Variants in RNF2 observed in about 807,000 individuals in gnomAD.
RNF2 encodes E3 ubiquitin-protein ligase RING2.
RNF2 carries 6 observed loss-of-function variants against 37.2 expected under a neutral mutation model. The observed-to-expected ratio is 0.16, with a 90% confidence interval of 0.09 to 0.32. The LOEUF is 0.32. Ranked by LOEUF, RNF2 falls within the 10% of genes least tolerant of loss-of-function variation. The pLI is 1.00. For missense variants in RNF2, 251 were observed against 404.0 expected (o/e 0.62, Z 3.25); for synonymous variants, 133 against 132.7 (o/e 1.00, Z -0.02).
intron 1 of RNF2, among the ~76,000 whole-genome samples, chr1:185,075,760 T>A (rs1362710461): frequency 6.6e-6 from 1 of 152,214 alleles, no homozygotes; most frequent in Non-Finnish European, 1.5e-5. Context: ...TCCACTCCCA[T>A]GATCCAGTCA....
intron 1 of RNF2, chr1:185,071,529 G>GTT (rs1650973665): frequency 6.6e-6 from 1 of 152,324 alleles, no homozygotes; most frequent in African/African-American, 2.4e-5. Flanking sequence ...GGCATCGTGC[G>GTT]TTTAGAGTCC....
intron 1 of RNF2, among the ~76,000 whole-genome samples, chr1:185,077,159 A>T (rs560014952): frequency 3.3e-4 from 50 of 152,128 alleles, no homozygotes; most frequent in African/African-American, 1.2e-3. Flanking sequence ...TTTTATCTTC[A>T]TTCCACCATG....
intron 1 of RNF2, among the ~76,000 whole-genome samples, chr1:185,049,444 C>T (rs1650211371): frequency 6.6e-6 from 1 of 152,094 alleles, no homozygotes; most frequent in Admixed American, 6.5e-5. Flanking sequence ...TTTTATGCTG[C>T]AGCTTAACAG....
At chr1:185,068,026 CAG>C (rs1650852218) in intron 1 of RNF2, among the ~76,000 whole-genome samples, 3 of 148,990 alleles carry the variant, frequency 2.0e-5, no homozygotes, top group African/African-American at 7.5e-5. Flanking sequence ...TTTTTAGAGA[CAG>C]AGTCTTGCAC....
At chr1:185,098,385 TG>T (rs1369736944) in intron 5 of RNF2, 41 bp downstream of exon 5, 2 of 1,593,802 alleles carry the variant, frequency 1.3e-6, no homozygotes, top group African/African-American at 2.7e-5. Flanking sequence ...AAATTCAGAA[TG>T]TTTAATTTGG....
intron 1 of RNF2, among the ~76,000 whole-genome samples, chr1:185,082,600 C>T (rs1172631617): frequency 1.3e-5 from 2 of 151,806 alleles, no homozygotes; most frequent in Non-Finnish European, 2.9e-5. Context: ...GGTAATCTAC[C>T]CTCCTTGGCC....
At chr1:185,090,381 A>T (rs1038891567) in intron 2 of RNF2, among the ~76,000 whole-genome samples, 5 of 152,114 alleles carry the variant, frequency 3.3e-5, no homozygotes, top group Non-Finnish European at 7.3e-5. Context: ...GGCAGAGGAG[A>T]ACAGACTTGA....
chr1:185,080,006 C>T (rs1651298470), intron 1 of RNF2, among the ~76,000 whole-genome samples: 1 of 151,932 alleles, frequency 6.6e-6, no homozygotes, highest in African/African-American at 2.4e-5. Flanking sequence ...AGACCTAGAT[C>T]TTGTTCAGTT....
At chr1:185,094,854 T>C (rs1651867513) in intron 4 of RNF2, among the ~76,000 whole-genome samples, 1 of 152,216 alleles carries the variant, frequency 6.6e-6, no homozygotes, top group Non-Finnish European at 1.5e-5. Context: ...TTATTTTCCA[T>C]AGAAGGAGAT....
rs549035455 is a variant in RNF2 at position 185,102,579 on chromosome 1, A to G, written c.*2278A>G. On this transcript the variant is annotated 3_prime_UTR_variant, in exon 7 of 7. Transcript: ENST00000367510. ...AAACAGAAACTCTGTGTGCAATTAAAGTAATGCATTTCTCTTCTTCTTAAC... is the reference window on the plus strand; with the variant it reads ...AAACAGAAACTCTGTGTGCAATTAAGGTAATGCATTTCTCTTCTTCTTAAC... The G allele has an allele frequency of 3.9e-5, 6 of 152,324 alleles. No individual in the cohort carries two copies. The East Asian group carries it at 1.2e-3, about 29-fold the overall frequency. The allele number at this position is 152,324 out of a possible 1,614,324, so 9.4% of individuals were successfully genotyped here.
chr1:185,081,437 A>G (rs1033826344), intron 1 of RNF2, among the ~76,000 whole-genome samples: 5 of 150,806 alleles, frequency 3.3e-5, no homozygotes, highest in African/African-American at 7.3e-5. Context: ...CTTGTTGCCC[A>G]GGCTGGAGTA....
chr1:185,064,448 G>A (rs971546836), intron 1 of RNF2, among the ~76,000 whole-genome samples: 2 of 152,118 alleles, frequency 1.3e-5, no homozygotes, highest in Non-Finnish European at 2.9e-5. Flanking sequence ...TTCGACTTAC[G>A]ATTTTTCAAC....
In RNF2 at chr1:185,059,500, T is replaced by C. The variant is rs529112304; in HGVS notation, c.-3+13851T>C. Among the ~76,000 whole-genome samples the C allele has an allele frequency of 2.0e-5, 3 of 152,146 alleles. No individual in the cohort carries two copies. The East Asian group carries it at 5.8e-4, about 29-fold the overall frequency. ...TTGTAGCGCAGATGCAAATTAGTGT[T>C]ATCTCTAATCACATTACAAGTACTT... On this transcript the variant is annotated intron_variant, in intron 1 of 6. Transcript: ENST00000367510.
At chr1:185,070,556 A>G (rs919235742) in intron 1 of RNF2, among the ~76,000 whole-genome samples, 20 of 152,084 alleles carry the variant, frequency 1.3e-4, no homozygotes, top group African/African-American at 9.7e-5. Context: ...TGGGAACCTC[A>G]ATTAGTATTA....
chr1:185,088,556 CA>C lies in RNF2; in HGVS notation c.87+929del, dbSNP rs35586940. 2.4e-3 allele frequency among the ~76,000 whole-genome samples: 318 copies of C among 130,072 alleles called. 1 individual carries two copies. The highest frequency in any genetic ancestry group is 3.8e-3 in the Middle Eastern group (1 of 260). 85.3% of individuals were successfully genotyped at this position (130,072 alleles called of 152,430 possible). On this transcript the variant is annotated intron_variant, in intron 2 of 6. Coordinates refer to ENST00000367510, the MANE Select transcript of RNF2 (RefSeq NM_007212.4). Reference sequence around the variant, plus strand: ...GGGCGACAAGAACGAAACTCCGTCTCAAAAAAAAAAAAAGCTAAAGGAAGTA... The same window carrying C: ...GGGCGACAAGAACGAAACTCCGTCTCAAAAAAAAAAAAGCTAAAGGAAGTA...
chr1:185,083,128 C>T (rs1052261679), intron 1 of RNF2, among the ~76,000 whole-genome samples: 2 of 152,266 alleles, frequency 1.3e-5, no homozygotes, highest in East Asian at 1.9e-4. Flanking sequence ...TTTGCTAATA[C>T]GGAACAAAGC....
intron 4 of RNF2, among the ~76,000 whole-genome samples, chr1:185,094,677 C>T (rs1416758779): frequency 1.3e-5 from 2 of 152,144 alleles, no homozygotes; most frequent in Non-Finnish European, 2.9e-5. Context: ...TCATGGTTTT[C>T]CTTTGCTCAG....
At chr1:185,060,045 A>C (rs2102159759) in intron 1 of RNF2, among the ~76,000 whole-genome samples, 1 of 152,330 alleles carries the variant, frequency 6.6e-6, no homozygotes, top group South Asian at 2.1e-4. Context: ...CCACTTGCTA[A>C]AGCTAACATT....
At chr1:185,082,345 C>CCTTTTTTTTTTTTTTTTTTTT in intron 1 of RNF2, among the ~76,000 whole-genome samples, 1 of 72,000 alleles carries the variant, frequency 1.4e-5, no homozygotes, top group Non-Finnish European at 2.9e-5. Context: ...CTCTGCAGAA[C>CCTTTTTTTTTTTTTTTTTTTT]TTTTTTTTTT....
Sources: allele counts gnomAD v4.1 joint callset (sites outside exome capture counted in the v4.1 genomes callset), GRCh38; gene constraint gnomAD v4.1.1; transcripts MANE v1.5; gene names NCBI Gene and HGNC (gene_info 2026-07-23, HGNC 2026-07-21).